RIMBP2: variants seen among roughly 807,000 people sequenced by gnomAD.
RIMBP2 encodes the protein RIMS-binding protein 2.
In RIMBP2, 48 loss-of-function variants were observed where a neutral mutation model predicts 118.6. That is an observed-to-expected ratio of 0.40 (90% CI 0.32 to 0.51). RIMBP2 has a LOEUF of 0.51. Ranked by LOEUF, RIMBP2 falls within the 20% of genes least tolerant of loss-of-function variation. The pLI is 0.41. For missense variants in RIMBP2, 1,551 were observed against 1,768.3 expected (o/e 0.88, Z 2.20); for synonymous variants, 762 against 742.9 (o/e 1.03, Z -0.42).
intron 1 of RIMBP2, among the ~76,000 whole-genome samples, chr12:130,711,291 C>T (rs1441232495): frequency 1.3e-5 from 2 of 152,158 alleles, no homozygotes; most frequent in Non-Finnish European, 2.9e-5. Context: ...CCAGAGAAGC[C>T]CCAATTTCCT....
Position 130,456,610 on chromosome 12 carries a change from C to T in RIMBP2, c.244G>A (p.Ala82Thr), listed in dbSNP as rs202177025. The T allele has an allele frequency of 7.5e-5, 121 of 1,613,648 alleles. No individual in the cohort carries two copies. The highest frequency in any genetic ancestry group is 9.7e-5 in the Non-Finnish European group (114 of 1,179,812). ...SRDLEKFRQH[A>T]GKIDLLGGSA... The stretch of plus-strand genomic sequence containing the variant: ...CCACCCAGCAGGTCAATCTTGCCAG[C>T]GTGCTGCCGGAACTTCTCCAGGTCC... Residue 82 changes from alanine (A) to threonine (T), a missense_variant, in exon 7 of 23, where the codon GCT (alanine) becomes ACT (threonine). Around this residue, in one of 5 missense-constraint regions of RIMBP2, gnomAD observed 239 missense variants for 256.8 expected, o/e 0.93. Coordinates refer to ENST00000690449, the MANE Select transcript of RIMBP2 (RefSeq NM_001393629.1).
rs185113629 is a variant in RIMBP2, at chr12:130,616,919, G to A, written c.-217+11403C>T. 1.2e-4 allele frequency among the ~76,000 whole-genome samples: 18 copies of A among 152,298 alleles called. No individual in the cohort carries two copies. In the East Asian group the frequency reaches 2.5e-3, roughly 21 times the overall value. The stretch of plus-strand genomic sequence containing the variant: ...GCCTGAGCAGGAAGGAAAGGTTTTC[G>A]GGGACTGCTTGTGTGGGCTGTGGGT... On this transcript the variant is annotated intron_variant, in intron 2 of 22. Transcript: ENST00000690449.
chr12:130,492,364 G>C (rs560213230), intron 4 of RIMBP2, among the ~76,000 whole-genome samples: 1 of 151,706 alleles, frequency 6.6e-6, no homozygotes, highest in South Asian at 2.1e-4. Context: ...AATTCAGTGA[G>C]GTCTATTTCA....
intron 2 of RIMBP2, among the ~76,000 whole-genome samples, chr12:130,585,454 G>A (rs750152163): frequency 6.6e-5 from 10 of 152,032 alleles, no homozygotes; most frequent in Non-Finnish European, 1.3e-4. Flanking sequence ...GAATTAAATG[G>A]CCACTTTTAG....
chr12:130,682,355 T>C (rs1162946950), intron 1 of RIMBP2, among the ~76,000 whole-genome samples: 1 of 152,196 alleles, frequency 6.6e-6, no homozygotes, highest in Admixed American at 6.5e-5. Flanking sequence ...GGTTCCTGAG[T>C]GACCACGTGG....
At chr12:130,524,602 A>G (rs555803666) in intron 2 of RIMBP2, among the ~76,000 whole-genome samples, 1 of 152,348 alleles carries the variant, frequency 6.6e-6, no homozygotes, top group South Asian at 2.1e-4. Context: ...TTTAGAATGA[A>G]ATGCAGAAGC....
chr12:130,529,002 G>A (rs745856463), intron 2 of RIMBP2, among the ~76,000 whole-genome samples: 7 of 152,214 alleles, frequency 4.6e-5, no homozygotes, highest in Non-Finnish European at 8.8e-5. Context: ...ATATACAAAT[G>A]TCACGGCAGC....
chr12:130,516,453 A>G (rs2051471408), intron 3 of RIMBP2, among the ~76,000 whole-genome samples: 1 of 152,240 alleles, frequency 6.6e-6, no homozygotes, highest in African/African-American at 2.4e-5. Context: ...ACAGACAAAC[A>G]CATAAGTGAA....
intron 5 of RIMBP2, among the ~76,000 whole-genome samples, chr12:130,476,029 T>C (rs1877973): frequency 0.97 from 147,016 of 152,122 alleles, 71,218 homozygotes; most frequent in East Asian, 1. Context: ...TGTGAGGTCA[T>C]GAGACAGTGA....
At chr12:130,403,221 A>G (rs932214476) in intron 21 of RIMBP2, among the ~76,000 whole-genome samples, 4 of 152,230 alleles carry the variant, frequency 2.6e-5, no homozygotes, top group Admixed American at 2.6e-4. Context: ...TTGTTTATCA[A>G]ATAAGAAATA....
chr12:130,418,635 T>G (rs2076239759), intron 17 of RIMBP2, among the ~76,000 whole-genome samples: 1 of 152,182 alleles, frequency 6.6e-6, no homozygotes, highest in African/African-American at 2.4e-5. Context: ...TGAGTTTATG[T>G]GGCAAGTTTG....
rs1026800135 is a variant in RIMBP2 at position 130,424,148 on chromosome 12, G to A, written c.3123C>T (p.Gly1041=). 23 of 1,228,828 alleles carry A rather than the reference G, an allele frequency of 1.9e-5. No homozygotes were observed. The highest frequency in any genetic ancestry group is 7.8e-5 in the African/African-American group (5 of 64,334). The allele number at this position is 1,228,828 out of a possible 1,614,324, so 76.1% of individuals were successfully genotyped here. Reference sequence around the variant, plus strand: ...GGAAGTTTAGGTCACACACCAGGGGGCCTTGTGCGACTCTGGGAGGTGGCT... The same window carrying A: ...GGAAGTTTAGGTCACACACCAGGGGACCTTGTGCGACTCTGGGAGGTGGCT... ...HAKPPPRVAQ[G]PLILGNPASA... is the part of the protein sequence containing the mutation. The change falls in exon 16 of 23, where the codon GGC becomes GGT. Residue 1041 remains glycine (G), a synonymous_variant. Coordinates refer to ENST00000690449, the MANE Select transcript of RIMBP2 (RefSeq NM_001393629.1). The surrounding 1 kb of genome is among the most constrained non-coding windows in gnomAD (Gnocchi z 9.8).
At chr12:130,574,726 G>A (rs2057953980) in intron 2 of RIMBP2, among the ~76,000 whole-genome samples, 1 of 152,058 alleles carries the variant, frequency 6.6e-6, no homozygotes, top group Non-Finnish European at 1.5e-5. Flanking sequence ...GAAGCCCTGA[G>A]CAGCCCCACC....
rs987684889 is a variant in RIMBP2 at position 130,447,640 on chromosome 12, C to T, written c.582-2371G>A. ...CTGTGAGCACAGCAGTGGCCCTGGG[C>T]GGCACACTGCAAGTGGGTGAACTGT... On this transcript the variant is annotated intron_variant, in intron 9 of 22. Coordinates refer to ENST00000690449, the MANE Select transcript of RIMBP2 (RefSeq NM_001393629.1). The surrounding 1 kb of genome is among the most constrained non-coding windows in gnomAD (Gnocchi z 4.4). Among the ~76,000 whole-genome samples, 37 of 152,228 alleles carry T rather than the reference C, an allele frequency of 2.4e-4. No homozygotes were observed. Among genetic ancestry groups the T allele is most frequent in the African/African-American group, 8.7e-4 (36 of 41,534 alleles).
intron 2 of RIMBP2, among the ~76,000 whole-genome samples, chr12:130,560,633 G>T (rs980605507): frequency 6.6e-6 from 1 of 152,174 alleles, no homozygotes; most frequent in Non-Finnish European, 1.5e-5. Flanking sequence ...GCCAAGCTGC[G>T]CCTTTCCATG....
At chr12:130,596,265 C>T (rs971807836) in intron 2 of RIMBP2, among the ~76,000 whole-genome samples, 1 of 152,108 alleles carries the variant, frequency 6.6e-6, no homozygotes, top group Non-Finnish European at 1.5e-5. Context: ...GTGATAATGC[C>T]GACAGCCTGC....
chr12:130,462,420 G>T (rs1319715091), intron 6 of RIMBP2, among the ~76,000 whole-genome samples: 1 of 152,218 alleles, frequency 6.6e-6, no homozygotes, highest in Non-Finnish European at 1.5e-5. Flanking sequence ...ATGCCTGCCC[G>T]GCTGCGTCTC....
At chr12:130,600,160 G>A (rs1036943044) in intron 2 of RIMBP2, among the ~76,000 whole-genome samples, 6 of 152,124 alleles carry the variant, frequency 3.9e-5, no homozygotes, top group Non-Finnish European at 8.8e-5. Flanking sequence ...CCTGTGCCCC[G>A]ACCACCTTAG....
At chr12:130,646,688 A>G (rs2062994114) in intron 1 of RIMBP2, among the ~76,000 whole-genome samples, 1 of 152,224 alleles carries the variant, frequency 6.6e-6, no homozygotes, top group African/African-American at 2.4e-5. Flanking sequence ...CTAAAACTTA[A>G]AATTGTACAA....
Sources: allele counts gnomAD v4.1 joint callset (sites outside exome capture counted in the v4.1 genomes callset), GRCh38; gene constraint gnomAD v4.1.1; regional missense constraint gnomAD v4.1.1; non-coding constraint Gnocchi (gnomAD v3.1); transcripts MANE v1.5; gene names NCBI Gene and HGNC (gene_info 2026-07-23, HGNC 2026-07-21).